RBFOX3: variants seen among roughly 807,000 people sequenced by gnomAD.
The protein encoded by RBFOX3 is RNA binding protein fox-1 homolog 3.
In RBFOX3, 17 loss-of-function variants were observed where a neutral mutation model predicts 48.7. That is an observed-to-expected ratio of 0.35 (90% CI 0.24 to 0.52). The LOEUF (loss-of-function observed/expected upper bound fraction) is 0.52. Among genes scored for constraint, RBFOX3 ranks in the 20% least tolerant of loss-of-function variants. RBFOX3 has a pLI of 0.94. For synonymous variants in RBFOX3, 212 were observed against 209.5 expected (o/e 1.01, Z -0.10); for missense variants, 382 against 497.5 (o/e 0.77, Z 2.21).
At chr17:79,382,275 G>A (rs2060019739) in intron 2 of RBFOX3, among the ~76,000 whole-genome samples, 1 of 152,232 alleles carries the variant, frequency 6.6e-6, no homozygotes. Context: ...CCAGTTGTCA[G>A]GACAGCAGCA....
rs1555788437 is a variant in RBFOX3, at chr17:79,535,327, TG to T, written c.-319-52730del. On this transcript the variant is annotated intron_variant, in intron 1 of 14. Coordinates refer to ENST00000693108, the MANE Select transcript of RBFOX3 (RefSeq NM_001350451.2). This position sits in a 1 kb window ranked among gnomAD's most constrained non-coding sequence, Gnocchi z 4.5. ...CTCTCTTTGACTCATTGGCCAGATC[TG>T]GGGATCACCTATAGGTAAGGAGAAG... is the stretch of plus-strand genomic sequence containing the variant. Among the ~76,000 whole-genome samples the T allele has an allele frequency of 6.6e-6, 1 of 152,162 alleles. No individual in the cohort carries two copies. The highest frequency in any genetic ancestry group is 1.5e-5 in the Non-Finnish European group (1 of 68,036).
In RBFOX3 at chr17:79,421,638, C is replaced by T. The variant is rs564627136; in HGVS notation, c.-175+60816G>A. Among the ~76,000 whole-genome samples the T allele has an allele frequency of 3.9e-5, 6 of 152,184 alleles. No homozygotes were observed. The East Asian group carries it at 9.7e-4, about 25-fold the overall frequency. ...AACATGGACCCCTGACCAGGGCATG[C>T]GGGACCCCAGGGGCACACCGAACGC... On this transcript the variant is annotated intron_variant, in intron 2 of 14. Coordinates refer to ENST00000693108, the MANE Select transcript of RBFOX3 (RefSeq NM_001350451.2). This position sits in a 1 kb window ranked among gnomAD's most constrained non-coding sequence, Gnocchi z 4.5.
chr17:79,277,005 A>C (rs1448496676), intron 3 of RBFOX3, among the ~76,000 whole-genome samples: 1 of 152,202 alleles, frequency 6.6e-6, no homozygotes, highest in Non-Finnish European at 1.5e-5. Flanking sequence ...CAGTGAGCAC[A>C]TGATGACGTC....
At chr17:79,663,545 C>G in the RBFOX3 span, among the ~76,000 whole-genome samples, 1 of 152,182 alleles carries the variant, frequency 6.6e-6, no homozygotes, top group Non-Finnish European at 1.5e-5. Flanking sequence ...CTGCAGACAC[C>G]TTGTGCCCCC....
rs1410663532 is a variant in RBFOX3, at chr17:79,565,927, G to A, written c.-320+44899C>T. On this transcript the variant is annotated intron_variant, in intron 1 of 14. Coordinates refer to ENST00000693108, the MANE Select transcript of RBFOX3 (RefSeq NM_001350451.2). ...GCTCTGTCTCACCATCACAGGCTTG[G>A]AGAGCTTGGCTATTTGGACCCCAGT... 3.3e-5 allele frequency among the ~76,000 whole-genome samples: 5 copies of A among 152,240 alleles called. No homozygotes were observed. The East Asian group carries it at 9.7e-4, about 29-fold the overall frequency.
chr17:79,215,356 G>A lies in RBFOX3; in HGVS notation c.-34+20410C>T, dbSNP rs576175204. On this transcript the variant is annotated intron_variant, in intron 4 of 14. Transcript: ENST00000693108. ...GGTTTCCAGACCTATGAATGTGACC[G>A]TGGTAGGAGACGCCTCTGGAAAGCA... is the stretch of plus-strand genomic sequence containing the variant. Among the ~76,000 whole-genome samples the A allele has an allele frequency of 1.6e-4, 25 of 152,360 alleles. 1 individual carries two copies. In the South Asian group the frequency reaches 5.0e-3, roughly 30 times the overall value.
intron 2 of RBFOX3, among the ~76,000 whole-genome samples, chr17:79,309,790 T>C (rs1256019620): frequency 6.6e-6 from 1 of 152,084 alleles, no homozygotes; most frequent in South Asian, 2.1e-4. Context: ...TTAAAAGTGG[T>C]TGGCAGTTCC....
At chr17:79,373,439 C>T (rs1829904108) in intron 2 of RBFOX3, among the ~76,000 whole-genome samples, 1 of 152,212 alleles carries the variant, frequency 6.6e-6, no homozygotes. Context: ...TGAATGGCAG[C>T]ACCAGCCTGA....
chr17:79,194,481 C>T (rs898569291), intron 4 of RBFOX3, among the ~76,000 whole-genome samples: 1 of 152,126 alleles, frequency 6.6e-6, no homozygotes, highest in East Asian at 1.9e-4. Context: ...GTGGGCATGC[C>T]TGTAGTCCCA....
At chr17:79,487,637 G>A (rs908907916) in intron 1 of RBFOX3, among the ~76,000 whole-genome samples, 1 of 152,106 alleles carries the variant, frequency 6.6e-6, no homozygotes. Flanking sequence ...GCATGGAGCT[G>A]GGTAATGTTT....
At chr17:79,468,969 TGG>T (rs2076704764) in intron 2 of RBFOX3, among the ~76,000 whole-genome samples, 9 of 148,758 alleles carry the variant, frequency 6.1e-5, no homozygotes, top group Non-Finnish European at 1.0e-4. Flanking sequence ...GATGGATGGA[TGG>T]ATGGATGGAT....
intron 3 of RBFOX3, among the ~76,000 whole-genome samples, chr17:79,298,751 C>A (rs1026175417): frequency 9.9e-5 from 15 of 152,204 alleles, no homozygotes; most frequent in Non-Finnish European, 2.1e-4. Flanking sequence ...ACACTGCCCC[C>A]ACTTACACAC....
intron 1 of RBFOX3, among the ~76,000 whole-genome samples, chr17:79,500,384 A>G (rs928044443): frequency 4.0e-5 from 6 of 148,974 alleles, no homozygotes; most frequent in African/African-American, 5.0e-5. Context: ...CAGCCTCCTG[A>G]GTAGCTGGGA....
intron 4 of RBFOX3, among the ~76,000 whole-genome samples, chr17:79,154,799 G>A (rs2045396893): frequency 6.6e-6 from 1 of 152,208 alleles, no homozygotes; most frequent in Non-Finnish European, 1.5e-5. Context: ...GTGCCACTGA[G>A]GAGTCTGGGC....
At chr17:79,629,687 T>G in the RBFOX3 span, among the ~76,000 whole-genome samples, 1 of 152,188 alleles carries the variant, frequency 6.6e-6, no homozygotes, top group Non-Finnish European at 1.5e-5. Flanking sequence ...AAGACTTATC[T>G]GGAAAGATTT....
intron 6 of RBFOX3, 134 bp from the exon 7 acceptor site, chr17:79,104,260 G>C: frequency 1.2e-6 from 1 of 823,702 alleles, no homozygotes; most frequent in Non-Finnish European, 2.0e-6. Context: ...TGGGAAAGGA[G>C]ACCGGGGACC....
chr17:79,261,891 C>T (rs925028978), intron 3 of RBFOX3, among the ~76,000 whole-genome samples: 3 of 152,140 alleles, frequency 2.0e-5, no homozygotes, highest in African/African-American at 7.2e-5. Context: ...GTGCTCACGG[C>T]CGGCCCCGCG....
chr17:79,276,130 C>T (rs911855194), intron 3 of RBFOX3, among the ~76,000 whole-genome samples: 10 of 152,160 alleles, frequency 6.6e-5, no homozygotes, highest in South Asian at 2.1e-4. Context: ...AAAGGCCCCG[C>T]GTGGCATGAT....
rs554097766 is a variant in RBFOX3, at chr17:79,111,669, G to A, written c.222+3825C>T. Among the ~76,000 whole-genome samples the A allele has an allele frequency of 6.6e-6, 1 of 152,208 alleles. No homozygotes were observed. Among genetic ancestry groups the A allele is most frequent in the Admixed American group, 6.5e-5 (1 of 15,282 alleles). On this transcript the variant is annotated intron_variant, in intron 5 of 14. Transcript: ENST00000693108. This position sits in a 1 kb window ranked among gnomAD's most constrained non-coding sequence, Gnocchi z 4.2. ...AGGCTGGTCTGGAAGTCCTGACTTC[G>A]TGATCCACCTGCCTCGGCCTCCCGA...
Sources: gnomAD v4.1 joint callset for allele counts (sites outside exome capture counted in the v4.1 genomes callset) on GRCh38, gnomAD v4.1.1 for gene constraint, Gnocchi (gnomAD v3.1) non-coding constraint, MANE v1.5 for transcripts, NCBI Gene and HGNC (gene_info 2026-07-23, HGNC 2026-07-21) for gene names.